PDE3A: variants seen among roughly 807,000 people sequenced by gnomAD.
PDE3A encodes phosphodiesterase 3A.
Under a neutral mutation model 98.3 loss-of-function variants are expected in PDE3A, and 43 were observed. The observed-to-expected ratio is 0.44, with a 90% CI of 0.34 to 0.56. The LOEUF (loss-of-function observed/expected upper bound fraction) is 0.56, where lower values mean the gene tolerates loss of function less well. Ranked by LOEUF, PDE3A falls within the 20% of genes least tolerant of loss-of-function variation. PDE3A has a pLI of 0.01. For synonymous variants in PDE3A, 663 were observed against 567.9 expected, an observed-to-expected ratio of 1.17 and a Z score of -2.38; for missense variants, 1,427 against 1,440.7, an observed-to-expected ratio of 0.99 and a Z score of 0.15.
chr12:20,413,090 G>T (rs1944363478), intron 1 of PDE3A, among the ~76,000 whole-genome samples: 1 of 152,200 alleles, frequency 6.6e-6, no homozygotes, highest in Non-Finnish European at 1.5e-5. Context: ...TTATAGTTTA[G>T]TAGGAATGTA....
At chr12:20,386,176 T>A (rs1374973350) in intron 1 of PDE3A, among the ~76,000 whole-genome samples, 3 of 74,776 alleles carry the variant, frequency 4.0e-5, no homozygotes, top group Non-Finnish European at 7.7e-5. Context: ...TATATAAAAA[T>A]ATATATAAAT....
chr12:20,500,565 T>G (rs1946003947), intron 1 of PDE3A, among the ~76,000 whole-genome samples: 1 of 152,168 alleles, frequency 6.6e-6, no homozygotes, highest in African/African-American at 2.4e-5. Flanking sequence ...ATGTTTTCTT[T>G]TCTTTCTTCA....
chr12:20,416,960 T>C (rs1763920850), intron 1 of PDE3A, among the ~76,000 whole-genome samples: 1 of 152,186 alleles, frequency 6.6e-6, no homozygotes, highest in Non-Finnish European at 1.5e-5. Context: ...TATAAATTTA[T>C]CCTATTAAGG....
rs1221012453 is a variant in PDE3A, at chr12:20,673,101, G to A, written c.3185-6929G>A. On this transcript the variant is annotated intron_variant, in intron 15 of 15. Coordinates refer to ENST00000359062, the MANE Select transcript of PDE3A (RefSeq NM_000921.5). The stretch of plus-strand genomic sequence containing the variant: ...GCAGCCAAAAAACACATGAAAAAAT[G>A]CTCATCATCACTGGCCATCAGAGAA... Among the ~76,000 whole-genome samples, 64 of 152,056 alleles carry A rather than the reference G, an allele frequency of 4.2e-4. 1 individual carries two copies. The East Asian group carries it at 0.011, about 25-fold the overall frequency.
chr12:20,531,764 A>G (rs1381410069), intron 1 of PDE3A, among the ~76,000 whole-genome samples: 1 of 152,214 alleles, frequency 6.6e-6, no homozygotes, highest in Non-Finnish European at 1.5e-5. Flanking sequence ...CTATTATTAA[A>G]CAAATGATAC....
At chr12:20,495,929 G>A (rs945929335) in intron 1 of PDE3A, among the ~76,000 whole-genome samples, 5 of 152,128 alleles carry the variant, frequency 3.3e-5, no homozygotes, top group Admixed American at 6.5e-5. Context: ...GGAGTTTGTT[G>A]AATTTCTGTT....
chr12:20,567,836 T>A (rs1013954845), intron 2 of PDE3A, among the ~76,000 whole-genome samples: 27 of 152,114 alleles, frequency 1.8e-4, no homozygotes, highest in African/African-American at 6.3e-4. Context: ...CTATTTCTGT[T>A]CAAAAAGAAG....
chr12:20,477,582 T>A (rs1379668461), intron 1 of PDE3A, among the ~76,000 whole-genome samples: 1 of 152,170 alleles, frequency 6.6e-6, no homozygotes, highest in African/African-American at 2.4e-5. Context: ...ATAAACGGAT[T>A]TTTAAAAATA....
At chr12:20,454,866 C>T (rs1240070612) in intron 1 of PDE3A, among the ~76,000 whole-genome samples, 1 of 152,148 alleles carries the variant, frequency 6.6e-6, no homozygotes, top group Non-Finnish European at 1.5e-5. Context: ...TTTATCCAGT[C>T]TACCATTGAT....
intron 2 of PDE3A, among the ~76,000 whole-genome samples, chr12:20,601,227 G>T (rs958426695): frequency 1.4e-5 from 2 of 142,868 alleles, no homozygotes; most frequent in African/African-American, 5.4e-5. Context: ...TAGCTCCAAG[G>T]CTTTTTGTTT....
intron 15 of PDE3A, 94 bp downstream of exon 15, chr12:20,654,299 C>A: frequency 1.7e-6 from 2 of 1,153,544 alleles, no homozygotes; most frequent in Non-Finnish European, 2.5e-6. Flanking sequence ...CACAATACTT[C>A]AAGTCTAAAC....
At position 20,370,002 on chromosome 12, in the gene PDE3A, C is replaced by T; in HGVS notation, c.718C>T (p.Leu240=). 3 of 1,613,082 alleles carry T rather than the reference C, an allele frequency of 1.9e-6. No individual in the cohort carries two copies. The highest frequency in any genetic ancestry group is 2.5e-6 in the Non-Finnish European group (3 of 1,179,958). ...GTTCAAGGTCGCCTGGAGACCTTAC[C>T]TGGCGTACCTGGCCGGCGTGCTGGG... The part of the protein sequence containing the change: ...ERFKVAWRPY[L]AYLAGVLGIL... The change falls in exon 1 of 16, where the codon CTG becomes TTG. Residue 240 remains leucine (L), a synonymous_variant. Coordinates refer to ENST00000359062, the MANE Select transcript of PDE3A (RefSeq NM_000921.5).
At chr12:20,392,660 A>G (rs759247397) in intron 1 of PDE3A, among the ~76,000 whole-genome samples, 3 of 152,096 alleles carry the variant, frequency 2.0e-5, no homozygotes, top group Non-Finnish European at 2.9e-5. Context: ...TATGTACTCA[A>G]AGGAAATCAG....
chr12:20,613,544 C>T lies in PDE3A; in HGVS notation c.1113C>T (p.Cys371=). ...LADPSLPPNV[C]TSLRAVSNLL... Reference sequence around the variant, plus strand: ...ACCCTTCTCTTCCACCAAACGTGTGCACATCCTTGAGAGCCGTGAGCAACT... The same window carrying T: ...ACCCTTCTCTTCCACCAAACGTGTGTACATCCTTGAGAGCCGTGAGCAACT... The change falls in exon 3 of 16, where the codon TGC becomes TGT. Residue 371 remains cysteine (C), a synonymous_variant. Coordinates refer to ENST00000359062, the MANE Select transcript of PDE3A (RefSeq NM_000921.5). 6.2e-7 allele frequency: 1 copy of T among 1,614,154 alleles called. No individual in the cohort carries two copies.
intron 1 of PDE3A, among the ~76,000 whole-genome samples, chr12:20,433,342 A>G (rs1045695121): frequency 3.9e-5 from 6 of 152,180 alleles, no homozygotes; most frequent in Non-Finnish European, 8.8e-5. Flanking sequence ...AAATGAAACA[A>G]GACAAGTGTT....
intron 15 of PDE3A, among the ~76,000 whole-genome samples, chr12:20,670,707 A>C (rs1237790295): frequency 6.9e-6 from 1 of 144,474 alleles, no homozygotes; most frequent in Non-Finnish European, 1.5e-5. Context: ...CAGTGTGTAG[A>C]GGGAAATTTA....
chr12:20,431,025 A>C (rs981017873), intron 1 of PDE3A, among the ~76,000 whole-genome samples: 2 of 152,184 alleles, frequency 1.3e-5, no homozygotes, highest in South Asian at 4.2e-4. Context: ...TTTTTAAAAA[A>C]TCTCTATTCT....
rs377494033 is a variant in PDE3A, at chr12:20,496,192, A to G, written c.961-60468A>G. Reference sequence around the variant, plus strand: ...TGTCTCATCAGTAAGGAGGAAAGAGATAGATGAGTGCCTGATACCAATTAA... The same window carrying G: ...TGTCTCATCAGTAAGGAGGAAAGAGGTAGATGAGTGCCTGATACCAATTAA... On this transcript the variant is annotated intron_variant, in intron 1 of 15. Transcript: ENST00000359062. Among the ~76,000 whole-genome samples the G allele has an allele frequency of 8.5e-5, 13 of 152,286 alleles. No individual in the cohort carries two copies. The East Asian group carries it at 2.1e-3, about 25-fold the overall frequency.
At chr12:20,540,910 G>A (rs1941880600) in intron 1 of PDE3A, among the ~76,000 whole-genome samples, 1 of 151,658 alleles carries the variant, frequency 6.6e-6, no homozygotes, top group Admixed American at 6.6e-5. Flanking sequence ...TGTGAATAAA[G>A]CAAAGAGAAT....
Sources: allele counts gnomAD v4.1 joint callset (sites outside exome capture counted in the v4.1 genomes callset), GRCh38; gene constraint gnomAD v4.1.1; transcripts MANE v1.5; gene names NCBI Gene and HGNC (gene_info 2026-07-23, HGNC 2026-07-21).